The following PRDM5 variants were observed in gnomAD, a reference collection of about 807,000 sequenced individuals.
PRDM5 encodes PR domain zinc finger protein 5.
PRDM5 carries 56 observed loss-of-function variants against 81.2 expected under a neutral mutation model. That is an observed-to-expected ratio of 0.69 (90% CI 0.56 to 0.86). The LOEUF (loss-of-function observed/expected upper bound fraction) is 0.86. Ranked by LOEUF, PRDM5 falls within the 40% of genes least tolerant of loss-of-function variation. The pLI, the probability that PRDM5 is intolerant of heterozygous loss-of-function variation, is 0.00. For synonymous variants in PRDM5, 267 were observed against 256.4 expected (o/e 1.04, Z -0.39); for missense variants, 697 against 770.1 (o/e 0.91, Z 1.12).
intron 2 of PRDM5, among the ~76,000 whole-genome samples, chr4:120,861,742 G>T (rs568664369): frequency 6.6e-6 from 1 of 151,262 alleles, no homozygotes; most frequent in African/African-American, 2.4e-5. Context: ...AAGCTGCAGC[G>T]AGCCAAGATC....
intron 2 of PRDM5, among the ~76,000 whole-genome samples, chr4:120,865,357 T>C (rs1761085198): frequency 6.6e-6 from 1 of 152,190 alleles, no homozygotes; most frequent in African/African-American, 2.4e-5. Context: ...GGACAGACAC[T>C]GAGATTATTC....
At chr4:120,738,856 C>T (rs1359180763) in intron 14 of PRDM5, among the ~76,000 whole-genome samples, 1 of 152,162 alleles carries the variant, frequency 6.6e-6, no homozygotes, top group Admixed American at 6.5e-5. Flanking sequence ...CCATCCAAAA[C>T]TTAATACATT....
At chr4:120,877,193 T>G (rs1343118672) in intron 2 of PRDM5, among the ~76,000 whole-genome samples, 1 of 152,130 alleles carries the variant, frequency 6.6e-6, no homozygotes, top group Admixed American at 6.6e-5. Flanking sequence ...ATGAGGTAAG[T>G]TCAGCTATAT....
intron 8 of PRDM5, 104 bp from the exon 9 acceptor site, chr4:120,799,849 C>T (rs956985986): frequency 1.3e-6 from 2 of 1,523,234 alleles, no homozygotes; most frequent in African/African-American, 1.4e-5. Flanking sequence ...ACTGCAATAC[C>T]CAAACTATAT....
intron 3 of PRDM5, among the ~76,000 whole-genome samples, chr4:120,843,658 G>A (rs1179867364): frequency 1.3e-5 from 2 of 149,388 alleles, no homozygotes; most frequent in Non-Finnish European, 3.0e-5. Flanking sequence ...GCCACTGCAC[G>A]CTGGTCAACA....
intron 2 of PRDM5, among the ~76,000 whole-genome samples, chr4:120,885,081 G>A (rs1410498397): frequency 7.1e-6 from 1 of 141,824 alleles, no homozygotes; most frequent in African/African-American, 2.7e-5. Context: ...CTTGCAGTGA[G>A]CCGAGATCGC....
intron 7 of PRDM5, chr4:120,816,110 T>C (rs892073900): frequency 1.6e-5 from 5 of 304,614 alleles, no homozygotes; most frequent in Non-Finnish European, 3.2e-5. Context: ...TAATGATAAA[T>C]TTTAACAATT....
At chr4:120,910,839 C>A (rs1314555733) in intron 1 of PRDM5, among the ~76,000 whole-genome samples, 1 of 152,200 alleles carries the variant, frequency 6.6e-6, no homozygotes, top group African/African-American at 2.4e-5. Flanking sequence ...AAACACTCTT[C>A]TTGAAAACTT....
chr4:120,747,088 A>G (rs200190480), intron 14 of PRDM5, among the ~76,000 whole-genome samples: 6 of 149,084 alleles, frequency 4.0e-5, no homozygotes, highest in South Asian at 2.2e-4. Context: ...TATACACCAT[A>G]GAATACTATG....
intron 8 of PRDM5, among the ~76,000 whole-genome samples, chr4:120,807,086 G>A (rs952519331): frequency 3.9e-5 from 6 of 152,314 alleles, no homozygotes; most frequent in African/African-American, 1.4e-4. Context: ...GTAGCCAACA[G>A]ACACATGAAA....
intron 2 of PRDM5, among the ~76,000 whole-genome samples, chr4:120,867,492 T>G (rs1269763992): frequency 1.3e-5 from 2 of 152,194 alleles, no homozygotes; most frequent in African/African-American, 2.4e-5. Flanking sequence ...CCAGTGTATA[T>G]AGAGACATCA....
intron 13 of PRDM5, among the ~76,000 whole-genome samples, chr4:120,774,974 GTGTATA>G (rs1312922322): frequency 6.7e-6 from 1 of 149,022 alleles, no homozygotes; most frequent in African/African-American, 2.5e-5. Context: ...ATATATGTGT[GTGTATA>G]TGTATATGTG....
At position 120,821,202 on chromosome 4, in the gene PRDM5, ATT is replaced by A; in HGVS notation, c.442_443del (p.Asn148PhefsTer2). On this transcript the variant is annotated frameshift_variant, in exon 4 of 16. Coordinates refer to ENST00000264808, the MANE Select transcript of PRDM5 (RefSeq NM_018699.4). LOFTEE classifies it high-confidence loss of function. Reference protein sequence around the residue: ...MTVIKEGEVENSRRQSTAGRK... With the variant: ...MTVIKEGEVEXSRRQSTAGRK... ...TGCCCGCTGTTGATTGTCTTCTAGA[ATT>A]TTCAACTTCCCCTTCTTTGATGACT... The A allele has an allele frequency of 1.2e-6, 2 of 1,614,096 alleles. No individual in the cohort carries two copies. The highest frequency in any genetic ancestry group is 1.7e-6 in the Non-Finnish European group (2 of 1,179,994).
chr4:120,798,581 T>A (rs1751672158), intron 9 of PRDM5, among the ~76,000 whole-genome samples, 157 bp from the exon 10 acceptor site: 1 of 152,170 alleles, frequency 6.6e-6, no homozygotes, highest in Admixed American at 6.5e-5. Context: ...GACACATAAA[T>A]GTGTCTACTC....
chr4:120,902,747 C>A (rs1261843699), intron 2 of PRDM5, among the ~76,000 whole-genome samples: 1 of 152,148 alleles, frequency 6.6e-6, no homozygotes, highest in African/African-American at 2.4e-5. Context: ...ATTCAGAGAC[C>A]AAGCTCAAAA....
intron 14 of PRDM5, among the ~76,000 whole-genome samples, chr4:120,753,121 C>G (rs1312773650): frequency 1.3e-5 from 2 of 152,120 alleles, no homozygotes; most frequent in Non-Finnish European, 2.9e-5. Flanking sequence ...CTGTCAATAT[C>G]ACTAGTTTCT....
chr4:120,898,215 G>A (rs542213908), intron 2 of PRDM5, among the ~76,000 whole-genome samples: 63 of 152,288 alleles, frequency 4.1e-4, no homozygotes, highest in African/African-American at 1.5e-3. Context: ...GCCCTATGGT[G>A]CTTCCAATTC....
chr4:120,792,600 A>C (rs765932404), intron 10 of PRDM5, among the ~76,000 whole-genome samples: 1 of 152,180 alleles, frequency 6.6e-6, no homozygotes, highest in Non-Finnish European at 1.5e-5. Context: ...CAGTTTGTCA[A>C]AGAGACACCT....
In PRDM5 at chr4:120,759,184, C is replaced by T. The variant is rs188919763; in HGVS notation, c.1538-4546G>A. 7.9e-5 allele frequency among the ~76,000 whole-genome samples: 12 copies of T among 152,302 alleles called. No homozygotes were observed. The East Asian group carries it at 9.7e-4, about 12-fold the overall frequency. On this transcript the variant is annotated intron_variant, in intron 13 of 15. Coordinates refer to ENST00000264808, the MANE Select transcript of PRDM5 (RefSeq NM_018699.4). ...ATTGGTATTTCTACCCCATGCCACCCGCCAACACTGAGCTGACATATCTGG... is the reference window on the plus strand; with the variant it reads ...ATTGGTATTTCTACCCCATGCCACCTGCCAACACTGAGCTGACATATCTGG...
Sources: allele counts gnomAD v4.1 joint callset (sites outside exome capture counted in the v4.1 genomes callset), GRCh38; gene constraint gnomAD v4.1.1; transcripts MANE v1.5; gene names NCBI Gene and HGNC (gene_info 2026-07-23, HGNC 2026-07-21).